The following RAB39A variants were observed in gnomAD, a reference collection of about 807,000 sequenced individuals.
RAB39A encodes ras-related protein Rab-39A.
A neutral mutation model predicts 20.9 loss-of-function variants in RAB39A; 17 were observed. The ratio of observed to expected loss-of-function variants is 0.81; its 90% CI spans 0.56 to 1.22. The LOEUF is 1.22. RAB39A is among the 50% of genes most tolerant of loss of function. The probability of loss-of-function intolerance (pLI) is 0.00; values close to 1 mark genes in which losing one functional copy is unlikely to be tolerated. For synonymous variants in RAB39A, 99 were observed against 103.4 expected (o/e 0.96, Z 0.26); for missense variants, 234 against 270.5 (o/e 0.87, Z 0.95).
chr11:107,928,851 C>CTGGGGAAGGGGCGT lies in RAB39A; in HGVS notation c.227+56_227+57insTGGGGAAGGGGCGT. On this transcript the variant is annotated intron_variant, in intron 1 of 1. Coordinates refer to ENST00000320578, the MANE Select transcript of RAB39A (RefSeq NM_017516.3). This position sits in a 1 kb window ranked among gnomAD's most constrained non-coding sequence, Gnocchi z 4.9. ...CCGCCCCCTCAGCCCGCCCGGACGC[C>CTGGGGAAGGGGCGT]CCTTCCCCAGGCGTCCGCCCCGCCG... The CTGGGGAAGGGGCGT allele has an allele frequency of 7.1e-7, 1 of 1,405,462 alleles. No homozygotes were observed. The highest frequency in any genetic ancestry group is 9.5e-7 in the Non-Finnish European group (1 of 1,050,038). The allele number at this position is 1,405,462 out of a possible 1,614,324, so 87.1% of individuals were successfully genotyped here.
chr11:107,956,029 A>C (rs920603993), intron 1 of RAB39A, among the ~76,000 whole-genome samples: 4 of 152,064 alleles, frequency 2.6e-5, no homozygotes, highest in Non-Finnish European at 5.9e-5. Flanking sequence ...TTTTCATTGG[A>C]TATATCTTTA....
intron 1 of RAB39A, among the ~76,000 whole-genome samples, chr11:107,940,762 G>A (rs1861250791): frequency 6.6e-6 from 1 of 152,080 alleles, no homozygotes; most frequent in African/African-American, 2.4e-5. Flanking sequence ...CATGAGGTCA[G>A]GAGACTGAGA....
chr11:107,946,394 ATATGTGTGTGTG>A lies in RAB39A; in HGVS notation c.228-15550_228-15539del, dbSNP rs1268955304. Among the ~76,000 whole-genome samples, 69 of 38,400 alleles carry A rather than the reference ATATGTGTGTGTG, an allele frequency of 1.8e-3. 1 individual carries two copies. The highest frequency in any genetic ancestry group is 5.7e-3 in the African/African-American group (62 of 10,828). 25.2% of individuals were successfully genotyped at this position (38,400 alleles called of 152,430 possible). A position where few individuals can be genotyped will look rare whatever the true frequency, so the allele number is the denominator to read the frequency against. The stretch of plus-strand genomic sequence containing the variant: ...TACACACATATATATGTGGGTGTAT[ATATGTGTGTGTG>A]TGTGTGTGTGTGTGTGTGTGTGTGT... On this transcript the variant is annotated intron_variant, in intron 1 of 1. Coordinates refer to ENST00000320578, the MANE Select transcript of RAB39A (RefSeq NM_017516.3).
At position 107,962,503 on chromosome 11, in the gene RAB39A, A is replaced by C; in HGVS notation, c.*131A>C. 1 of 875,110 alleles carries C rather than the reference A, an allele frequency of 1.1e-6. No individual in the cohort carries two copies. The highest frequency in any genetic ancestry group is 1.7e-6 in the Non-Finnish European group (1 of 591,738). The allele number at this position is 875,110 out of a possible 1,614,324, so 54.2% of individuals were successfully genotyped here. ...AAACCCACACCAATACTATTTTATA[A>C]GGTATTTGATTCAGAGCATGATGCT... On this transcript the variant is annotated 3_prime_UTR_variant, in exon 2 of 2. Coordinates refer to ENST00000320578, the MANE Select transcript of RAB39A (RefSeq NM_017516.3).
At chr11:107,931,135 C>T (rs1861133099) in intron 1 of RAB39A, among the ~76,000 whole-genome samples, 1 of 151,912 alleles carries the variant, frequency 6.6e-6, no homozygotes, top group Non-Finnish European at 1.5e-5. Context: ...CACCACTACA[C>T]CTGGCTAATT....
At chr11:107,936,403 T>C (rs892265586) in intron 1 of RAB39A, among the ~76,000 whole-genome samples, 2 of 138,552 alleles carry the variant, frequency 1.4e-5, no homozygotes, top group Non-Finnish European at 3.3e-5. Context: ...TTATCTTCCC[T>C]TATCCCACTG....
chr11:107,945,945 G>C (rs544318309), intron 1 of RAB39A, among the ~76,000 whole-genome samples: 1 of 152,222 alleles, frequency 6.6e-6, no homozygotes, highest in African/African-American at 2.4e-5. Context: ...GCTCCTCAGA[G>C]TGCTGGCAGT....
At chr11:107,933,298 T>A (rs1444063798) in intron 1 of RAB39A, among the ~76,000 whole-genome samples, 1 of 129,590 alleles carries the variant, frequency 7.7e-6, no homozygotes, top group Non-Finnish European at 1.6e-5. Flanking sequence ...TTCCTGTGAT[T>A]CTTTATATAT....
intron 1 of RAB39A, among the ~76,000 whole-genome samples, chr11:107,943,826 G>A (rs1338674537): frequency 6.6e-6 from 1 of 152,144 alleles, no homozygotes; most frequent in Admixed American, 6.5e-5. Flanking sequence ...TGGGTGCAGT[G>A]GCTCATGCCT....
At chr11:107,952,314 G>T (rs1861389449) in intron 1 of RAB39A, among the ~76,000 whole-genome samples, 1 of 152,204 alleles carries the variant, frequency 6.6e-6, no homozygotes, top group East Asian at 1.9e-4. Context: ...AGGCCTGGTG[G>T]CTCATGCCTA....
chr11:107,961,959 T>A lies in RAB39A; in HGVS notation c.241T>A (p.Ser81Thr), dbSNP rs776819828. The change falls in exon 2 of 2, where the codon TCT (serine) becomes ACT (threonine). Residue 81 changes from serine (S) to threonine (T), a missense_variant. By Grantham distance (58) the Ser-to-Thr change is moderately conservative. Coordinates refer to ENST00000320578, the MANE Select transcript of RAB39A (RefSeq NM_017516.3). ...TTCATTTTTCAGATCAATAACCCGA[T>A]CTTATTACCGCAACTCAGTTGGTGG... is the stretch of plus-strand genomic sequence containing the variant. ...GQERFRSITR[S>T]YYRNSVGGFL... The A allele has an allele frequency of 2.5e-6, 4 of 1,609,528 alleles. No individual in the cohort carries two copies. The highest frequency in any genetic ancestry group is 3.4e-6 in the Non-Finnish European group (4 of 1,176,554).
chr11:107,941,883 G>C (rs2134958511), intron 1 of RAB39A, among the ~76,000 whole-genome samples: 1 of 152,200 alleles, frequency 6.6e-6, no homozygotes, highest in South Asian at 2.1e-4. Context: ...TGGATCACTT[G>C]TGGTCAGGAG....
At chr11:107,936,684 GA>G (rs1323707972) in intron 1 of RAB39A, among the ~76,000 whole-genome samples, 1 of 152,114 alleles carries the variant, frequency 6.6e-6, no homozygotes, top group Non-Finnish European at 1.5e-5. Flanking sequence ...GCCTTCAAAA[GA>G]AAACGATTTT....
At chr11:107,942,670 A>T (rs1193004945) in intron 1 of RAB39A, among the ~76,000 whole-genome samples, 1 of 152,100 alleles carries the variant, frequency 6.6e-6, no homozygotes, top group Admixed American at 6.6e-5. Context: ...TACTTGCCCA[A>T]GGCCTTATAG....
At chr11:107,937,988 A>G (rs1861213153) in intron 1 of RAB39A, among the ~76,000 whole-genome samples, 1 of 152,068 alleles carries the variant, frequency 6.6e-6, no homozygotes, top group Non-Finnish European at 1.5e-5. Flanking sequence ...ACTTTTTTGG[A>G]AAGAGAAATT....
At chr11:107,946,137 T>TTCACGC (rs1565464036) in intron 1 of RAB39A, among the ~76,000 whole-genome samples, 2 of 149,884 alleles carry the variant, frequency 1.3e-5, no homozygotes, top group Non-Finnish European at 3.0e-5. Context: ...AGGAAATTTG[T>TTCACGC]CATGTGAAAC....
chr11:107,935,585 A>G (rs1199219631), intron 1 of RAB39A, among the ~76,000 whole-genome samples: 1 of 152,080 alleles, frequency 6.6e-6, no homozygotes, highest in East Asian at 1.9e-4. Context: ...TTTGTTAGCC[A>G]GGCTTGTCTC....
intron 1 of RAB39A, among the ~76,000 whole-genome samples, chr11:107,941,623 G>A (rs1201468472): frequency 6.6e-6 from 1 of 152,120 alleles, no homozygotes; most frequent in Non-Finnish European, 1.5e-5. Flanking sequence ...TAAAGTATTA[G>A]CACTTGTTTT....
At chr11:107,957,497 G>A (rs747671165) in intron 1 of RAB39A, among the ~76,000 whole-genome samples, 3 of 152,184 alleles carry the variant, frequency 2.0e-5, no homozygotes, top group East Asian at 1.9e-4. Flanking sequence ...AAGGAAAGGA[G>A]ACTGCTCCTC....
Sources: allele counts gnomAD v4.1 joint callset (sites outside exome capture counted in the v4.1 genomes callset), GRCh38; gene constraint gnomAD v4.1.1; non-coding constraint Gnocchi (gnomAD v3.1); transcripts MANE v1.5; gene names NCBI Gene and HGNC (gene_info 2026-07-23, HGNC 2026-07-21).